The following ZMYM2 variants were observed in gnomAD, a reference collection of about 807,000 sequenced individuals.
ZMYM2 encodes the protein zinc finger MYM-type containing 2, also known as zinc finger MYM-type protein 2.
Under a neutral mutation model 162.8 loss-of-function variants are expected in ZMYM2, and 56 were observed. The observed-to-expected ratio is 0.34, with a 90% confidence interval of 0.28 to 0.43. The LOEUF is 0.43. Among genes scored for constraint, ZMYM2 ranks in the 20% least tolerant of loss-of-function variants. ZMYM2 has a pLI of 1.00. For synonymous variants in ZMYM2, 510 were observed against 541.6 expected, an observed-to-expected ratio of 0.94 and a Z score of 0.81; for missense variants, 1,275 against 1,621.8, an observed-to-expected ratio of 0.79 and a Z score of 3.67.
At chr13:20,058,490 T>C in intron 14 of ZMYM2, 85 bp from the exon 15 acceptor site, 30 of 1,489,450 alleles carry the variant, frequency 2.0e-5, no homozygotes, top group Non-Finnish European at 2.7e-5. Flanking sequence ...TGTTCCCTTC[T>C]TAGGACTGAA....
intron 6 of ZMYM2, among the ~76,000 whole-genome samples, chr13:20,012,122 G>A (rs1463015820): frequency 1.3e-5 from 2 of 151,840 alleles, no homozygotes; most frequent in Admixed American, 1.3e-4. Flanking sequence ...CTGACCTTCA[G>A]TGATCCTCCT....
At chr13:20,059,716 C>G (rs1205085771) in intron 16 of ZMYM2, among the ~76,000 whole-genome samples, 154 bp downstream of exon 16, 1 of 151,438 alleles carries the variant, frequency 6.6e-6, no homozygotes, top group Non-Finnish European at 1.5e-5. Flanking sequence ...ATGGGCGGCC[C>G]TCTATATTGG....
At chr13:19,962,515 A>ATATATATATATTTTTT (rs1371972440) in intron 2 of ZMYM2, among the ~76,000 whole-genome samples, 1 of 38,916 alleles carries the variant, frequency 2.6e-5, no homozygotes, top group African/African-American at 6.4e-5. Context: ...ATATATATAT[A>ATATATATATATTTTTT]TTTTTTTTTT....
At chr13:19,933,954 A>G in the ZMYM2 span, among the ~76,000 whole-genome samples, 1 of 152,210 alleles carries the variant, frequency 6.6e-6, no homozygotes, top group Admixed American at 6.5e-5. Flanking sequence ...TTATCAGTGC[A>G]TTTAACCCAT....
the ZMYM2 span, among the ~76,000 whole-genome samples, chr13:19,911,426 T>G: frequency 7.2e-5 from 11 of 152,160 alleles, no homozygotes; most frequent in East Asian, 2.1e-3. Context: ...TTGGGTCACC[T>G]TGAGGAAGAA....
chr13:19,949,878 C>T, the ZMYM2 span, among the ~76,000 whole-genome samples: 1 of 109,046 alleles, frequency 9.2e-6, no homozygotes, highest in Non-Finnish European at 1.8e-5. Flanking sequence ...CAGAGCGAGA[C>T]TTTGTCAAAA....
rs572153827 is a variant in ZMYM2, at chr13:20,052,283, G to A, written c.2465G>A (p.Gly822Asp). The change falls in exon 14 of 25, where the codon GGT becomes GAT. Residue 822 changes from glycine to aspartate, a missense_variant. Transcript: ENST00000610343. ...ATTTTTTTGTGTTTTTTAGATCAGG[G>A]TTGTCAGACATCTCGAACCAAAATG... ...KGPENLHYDQGCQTSRTKMTG... is the reference protein window; with the variant it reads ...KGPENLHYDQDCQTSRTKMTG... 1 of 1,565,890 alleles carries A rather than the reference G, an allele frequency of 6.4e-7. No homozygotes were observed. Among genetic ancestry groups the A allele is most frequent in the East Asian group, 2.3e-5 (1 of 43,032 alleles).
At chr13:19,866,900 C>CA in the ZMYM2 span, among the ~76,000 whole-genome samples, 59 of 144,440 alleles carry the variant, frequency 4.1e-4, no homozygotes, top group Middle Eastern at 7.4e-3. Flanking sequence ...GTCTCAAAAA[C>CA]AAAAAAAAAA....
At chr13:19,873,445 G>T in the ZMYM2 span, among the ~76,000 whole-genome samples, 1 of 151,222 alleles carries the variant, frequency 6.6e-6, no homozygotes, top group South Asian at 2.1e-4. Context: ...GTCTTGCTCT[G>T]TCGCCCAGGC....
intron 2 of ZMYM2, among the ~76,000 whole-genome samples, chr13:19,983,035 C>T (rs933377710): frequency 6.6e-6 from 1 of 152,016 alleles, no homozygotes; most frequent in Admixed American, 6.6e-5. Flanking sequence ...TATGTAGATA[C>T]AATTATTTTA....
chr13:20,032,639 C>T (rs1487088620), intron 10 of ZMYM2, among the ~76,000 whole-genome samples: 37 of 111,904 alleles, frequency 3.3e-4, no homozygotes, highest in African/African-American at 9.0e-4. Context: ...GATGGAGTCT[C>T]GCTCTGTTGC....
the ZMYM2 span, among the ~76,000 whole-genome samples, chr13:19,922,242 G>A: frequency 6.6e-6 from 1 of 152,034 alleles, no homozygotes; most frequent in Non-Finnish European, 1.5e-5. Context: ...GGGGGAAAAA[G>A]GGGCAGGGAG....
At chr13:20,004,989 C>G in intron 4 of ZMYM2, 85 bp from the exon 5 acceptor site, 1 of 1,055,458 alleles carries the variant, frequency 9.5e-7, no homozygotes, top group Non-Finnish European at 1.4e-6. Flanking sequence ...AGGACTTAGT[C>G]TATAGAAATG....
chr13:19,876,308 G>C, the ZMYM2 span, among the ~76,000 whole-genome samples: 1 of 151,810 alleles, frequency 6.6e-6, no homozygotes, highest in Non-Finnish European at 1.5e-5. Context: ...GATTACATGC[G>C]TGAGCCACTA....
chr13:20,081,568 G>C (rs992435211), intron 21 of ZMYM2, among the ~76,000 whole-genome samples: 1 of 152,034 alleles, frequency 6.6e-6, no homozygotes. Context: ...AATAGCTACA[G>C]ATAACATTTC....
At chr13:19,959,761 C>T (rs977538152) in intron 1 of ZMYM2, 197 bp from the exon 2 acceptor site, 2 of 152,272 alleles carry the variant, frequency 1.3e-5, no homozygotes, top group Non-Finnish European at 2.9e-5. Flanking sequence ...GGGTTTTGGC[C>T]CCAAATATGT....
chr13:20,016,984 C>A (rs1326859053), intron 6 of ZMYM2, among the ~76,000 whole-genome samples: 2 of 152,166 alleles, frequency 1.3e-5, no homozygotes, highest in Admixed American at 1.3e-4. Context: ...GATCTTATTC[C>A]ATGGGCCCCT....
intron 21 of ZMYM2, 37 bp downstream of exon 21, chr13:20,067,427 A>G: frequency 6.5e-7 from 1 of 1,540,562 alleles, no homozygotes; most frequent in South Asian, 1.3e-5. Context: ...GTATAACATT[A>G]ATAAGAAAAG....
the ZMYM2 span, among the ~76,000 whole-genome samples, chr13:19,925,870 CA>C: frequency 0.64 from 82,541 of 128,950 alleles, 24,513 homozygotes; most frequent in Middle Eastern, 0.76. Context: ...GACTCCATCT[CA>C]AAAAAAAAAA....
Sources: gnomAD v4.1 joint callset for allele counts (sites outside exome capture counted in the v4.1 genomes callset) on GRCh38, gnomAD v4.1.1 for gene constraint, MANE v1.5 for transcripts, NCBI Gene and HGNC (gene_info 2026-07-23, HGNC 2026-07-21) for gene names.